The following SEMA3E variants were observed in gnomAD, a reference collection of about 807,000 sequenced individuals.
SEMA3E encodes semaphorin-3E.
SEMA3E carries 49 observed loss-of-function variants against 93.6 expected under a neutral mutation model. The observed-to-expected ratio is 0.52, with a 90% confidence interval of 0.42 to 0.66. The LOEUF (loss-of-function observed/expected upper bound fraction) is 0.66. Among genes scored for constraint, SEMA3E ranks in the 30% least tolerant of loss-of-function variants. The probability of loss-of-function intolerance (pLI) is 0.00; values close to 1 mark genes in which losing one functional copy is unlikely to be tolerated. For synonymous variants in SEMA3E, 363 were observed against 330.7 expected, an observed-to-expected ratio of 1.10 and a Z score of -1.06; for missense variants, 906 against 964.8, an observed-to-expected ratio of 0.94 and a Z score of 0.81.
chr7:83,366,253 T>C lies in SEMA3E; in HGVS notation c.*1333A>G, dbSNP rs1794665032. On this transcript the variant is annotated 3_prime_UTR_variant, in exon 17 of 17. Transcript: ENST00000643230. ...CACTTGCTTTCAATTTTTATTTAGGTGAAAACATCTTACAAAATTTCATAT... is the reference window on the plus strand; with the variant it reads ...CACTTGCTTTCAATTTTTATTTAGGCGAAAACATCTTACAAAATTTCATAT... The C allele has an allele frequency of 6.6e-6, 1 of 152,052 alleles. No homozygotes were observed. The highest frequency in any genetic ancestry group is 1.5e-5 in the Non-Finnish European group (1 of 67,934). The allele number at this position is 152,052 out of a possible 1,614,324, so 9.4% of individuals were successfully genotyped here.
intron 1 of SEMA3E, among the ~76,000 whole-genome samples, chr7:83,505,526 G>A (rs557540660): frequency 6.6e-6 from 1 of 152,236 alleles, no homozygotes; most frequent in African/African-American, 2.4e-5. Flanking sequence ...GGAAGTATAG[G>A]AGTGGATGGG....
intron 4 of SEMA3E, among the ~76,000 whole-genome samples, chr7:83,425,679 A>T (rs373088808): frequency 6.6e-6 from 1 of 152,196 alleles, no homozygotes; most frequent in African/African-American, 2.4e-5. Context: ...CCTGTGTGCC[A>T]GTCATTCTGA....
Position 83,367,599 on chromosome 7 carries a change from G to C in SEMA3E, c.2315C>G (p.Thr772Arg). The part of the protein sequence containing the change: ...KPEHYRLPRH[T>R]LDS Reference sequence around the variant, plus strand: ...AGTCTCACCCCATCAGGAGTCCAGCGTGTGCCTGGGCAGGCGGTAATGCTC... The same window carrying C: ...AGTCTCACCCCATCAGGAGTCCAGCCTGTGCCTGGGCAGGCGGTAATGCTC... Residue 772 changes from threonine to arginine, a missense_variant, in exon 17 of 17, where the codon ACG becomes AGG. Physicochemically the swap from Thr to Arg is moderately conservative, Grantham distance 71 (BLOSUM62 -1). Coordinates refer to ENST00000643230, the MANE Select transcript of SEMA3E (RefSeq NM_012431.3). 6.2e-7 allele frequency: 1 copy of C among 1,614,004 alleles called. No individual in the cohort carries two copies. The highest frequency in any genetic ancestry group is 1.1e-5 in the South Asian group (1 of 91,076).
intron 1 of SEMA3E, among the ~76,000 whole-genome samples, chr7:83,507,434 G>A (rs1790725880): frequency 9.1e-6 from 1 of 109,760 alleles, no homozygotes; most frequent in Non-Finnish European, 1.8e-5. Context: ...CTGTGTGTGT[G>A]TGTGTGTGTG....
chr7:83,441,567 C>T (rs1330817033), intron 4 of SEMA3E, among the ~76,000 whole-genome samples: 1 of 152,146 alleles, frequency 6.6e-6, no homozygotes, highest in Non-Finnish European at 1.5e-5. Context: ...TAGCTATAGT[C>T]ATACAACATT....
chr7:83,578,773 A>T (rs1004615704), intron 1 of SEMA3E, among the ~76,000 whole-genome samples: 2 of 152,172 alleles, frequency 1.3e-5, no homozygotes, highest in African/African-American at 4.8e-5. Context: ...GAGAAAACCA[A>T]GAAATCAAGG....
At chr7:83,516,628 T>A (rs1790933530) in intron 1 of SEMA3E, among the ~76,000 whole-genome samples, 1 of 152,154 alleles carries the variant, frequency 6.6e-6, no homozygotes, top group Non-Finnish European at 1.5e-5. Flanking sequence ...TTACAAATCA[T>A]CTAAATTGCT....
At chr7:83,420,925 T>A (rs991544850) in intron 4 of SEMA3E, among the ~76,000 whole-genome samples, 1 of 112,674 alleles carries the variant, frequency 8.9e-6, no homozygotes, top group Non-Finnish European at 2.2e-5. Context: ...AAAGAGTTTT[T>A]GACTTAGTCC....
chr7:83,396,124 CAT>C (rs1319543527), intron 12 of SEMA3E, among the ~76,000 whole-genome samples: 5 of 151,708 alleles, frequency 3.3e-5, no homozygotes, highest in Admixed American at 2.0e-4. Flanking sequence ...TGTATACACA[CAT>C]ATATGTATAC....
chr7:83,632,639 C>T (rs1008653402), intron 1 of SEMA3E, among the ~76,000 whole-genome samples: 13 of 152,132 alleles, frequency 8.5e-5, no homozygotes, highest in African/African-American at 2.7e-4. Flanking sequence ...AAACCTCTTT[C>T]GTAAATTGCC....
At chr7:83,583,343 T>C (rs1296512728) in intron 1 of SEMA3E, among the ~76,000 whole-genome samples, 5 of 152,154 alleles carry the variant, frequency 3.3e-5, no homozygotes, top group African/African-American at 7.2e-5. Context: ...GAAACACTTA[T>C]CATGTCTTTC....
At position 83,467,057 on chromosome 7, in the gene SEMA3E, C is replaced by CTTTTTTT. The variant is rs59059670; in HGVS notation, c.337-463_337-457dup. Among the ~76,000 whole-genome samples the CTTTTTTT allele has an allele frequency of 1.7e-5, 2 of 117,168 alleles. 1 individual carries two copies. The highest frequency in any genetic ancestry group is 3.3e-5 in the Non-Finnish European group (2 of 59,838). The allele number at this position is 117,168 out of a possible 152,430, so 76.9% of individuals were successfully genotyped here. A position where few individuals can be genotyped will look rare whatever the true frequency, so the allele number is the denominator to read the frequency against. ...AGTTATTCATATGGAAATATGCAGT[C>CTTTTTTT]TTTTTTTTTTTTTTTTTTTTTTCCC... On this transcript the variant is annotated intron_variant, in intron 3 of 16. Coordinates refer to ENST00000643230, the MANE Select transcript of SEMA3E (RefSeq NM_012431.3).
At chr7:83,462,536 T>C (rs544775888) in intron 4 of SEMA3E, among the ~76,000 whole-genome samples, 1 of 151,946 alleles carries the variant, frequency 6.6e-6, no homozygotes, top group Non-Finnish European at 1.5e-5. Context: ...TCCCCTTGTA[T>C]CTCCCCACCT....
intron 1 of SEMA3E, among the ~76,000 whole-genome samples, chr7:83,644,115 T>G (rs1794049148): frequency 6.6e-6 from 1 of 151,966 alleles, no homozygotes; most frequent in Non-Finnish European, 1.5e-5. Context: ...CTCTGTCAAT[T>G]ATTTTCTTGT....
rs142782041 is a variant in SEMA3E, at chr7:83,637,766, A to T, written c.115+10662T>A. On this transcript the variant is annotated intron_variant, in intron 1 of 16. Coordinates refer to ENST00000643230, the MANE Select transcript of SEMA3E (RefSeq NM_012431.3). Reference sequence around the variant, plus strand: ...AGTCAATTAAACCTCTTTCCTTTATAAATTATCCAGTCTCTGGCAGTTCTT... The same window carrying T: ...AGTCAATTAAACCTCTTTCCTTTATTAATTATCCAGTCTCTGGCAGTTCTT... Among the ~76,000 whole-genome samples, 377 of 149,994 alleles carry T rather than the reference A, an allele frequency of 2.5e-3. 9 individuals carry two copies. Among genetic ancestry groups the T allele is most frequent in the Admixed American group, 0.023 (340 of 15,060 alleles).
chr7:83,519,520 T>G (rs1791002428), intron 1 of SEMA3E, among the ~76,000 whole-genome samples: 1 of 152,140 alleles, frequency 6.6e-6, no homozygotes, highest in African/African-American at 2.4e-5. Flanking sequence ...GTTTATCATA[T>G]CTCTGTGTCT....
intron 2 of SEMA3E, among the ~76,000 whole-genome samples, chr7:83,473,966 A>T (rs1047390274): frequency 6.6e-6 from 1 of 151,800 alleles, no homozygotes; most frequent in Non-Finnish European, 1.5e-5. Flanking sequence ...GGTGGTGTGC[A>T]CCTGTAGTCC....
chr7:83,402,128 C>T (rs909453606), intron 10 of SEMA3E, among the ~76,000 whole-genome samples: 1 of 151,952 alleles, frequency 6.6e-6, no homozygotes, highest in Non-Finnish European at 1.5e-5. Flanking sequence ...GCTAAGTATT[C>T]TGAGGAGATA....
intron 4 of SEMA3E, among the ~76,000 whole-genome samples, chr7:83,451,991 T>C (rs902241880): frequency 6.6e-6 from 1 of 152,218 alleles, no homozygotes; most frequent in Non-Finnish European, 1.5e-5. Flanking sequence ...CTCCTTCTTC[T>C]GGTTTGCTGT....
Sources: gnomAD v4.1 joint callset for allele counts (sites outside exome capture counted in the v4.1 genomes callset) on GRCh38, gnomAD v4.1.1 for gene constraint, MANE v1.5 for transcripts, NCBI Gene and HGNC (gene_info 2026-07-23, HGNC 2026-07-21) for gene names.